FBXO39: variants seen among roughly 807,000 people sequenced by gnomAD.
FBXO39 encodes the protein F-box protein 39, also known as F-box only protein 39.
Under a neutral mutation model 36.6 loss-of-function variants are expected in FBXO39, and 22 were observed. That is an observed-to-expected ratio of 0.60 (90% confidence interval 0.43 to 0.86). FBXO39 has a LOEUF of 0.86. FBXO39 is among the 40% of genes least tolerant of loss of function. The pLI is 0.00. For synonymous variants in FBXO39, 206 were observed against 205.8 expected (o/e 1.00, Z -0.01); for missense variants, 536 against 543.9 (o/e 0.99, Z 0.14).
Position 6,784,955 on chromosome 17 carries a change from A to G in FBXO39, c.1024-1825A>G, listed in dbSNP as rs8069634. 3.2e-3 allele frequency among the ~76,000 whole-genome samples: 363 copies of G among 112,178 alleles called. 2 individuals carry two copies. Among genetic ancestry groups the G allele is most frequent in the Middle Eastern group, 8.1e-3 (2 of 246 alleles). 73.6% of individuals were successfully genotyped at this position (112,178 alleles called of 152,430 possible). A position where few individuals can be genotyped will look rare whatever the true frequency, so the allele number is the denominator to read the frequency against. On this transcript the variant is annotated intron_variant, in intron 2 of 3. Transcript: ENST00000321535. ...TGTGTGTGTGTGTGTGTGTGTGTGT[A>G]TATATATATATGGAACCACAAAAGA...
chr17:6,786,673 C>A, intron 2 of FBXO39, 107 bp from the exon 3 acceptor site: 1 of 893,570 alleles, frequency 1.1e-6, no homozygotes, highest in East Asian at 2.6e-5. Flanking sequence ...ACCCCCAAAT[C>A]ATCATGGCTA....
Position 6,780,200 on chromosome 17 carries a change from C to T in FBXO39, c.332C>T (p.Thr111Ile). ...NAVLTKKFQVTMRGLLSCLSK... is the reference protein window; with the variant it reads ...NAVLTKKFQVIMRGLLSCLSK... ...GTCTTGACCAAGAAGTTCCAGGTCA[C>T]CATGCGGGGCCTCCTGTCTTGTCTG... Residue 111 changes from threonine to isoleucine, a missense_variant, in exon 2 of 4, where the codon ACC becomes ATC. Physicochemically the swap from Thr to Ile is moderately conservative, Grantham distance 89. Transcript: ENST00000321535. 1 of 1,614,188 alleles carries T rather than the reference C, an allele frequency of 6.2e-7. No homozygotes were observed. The highest frequency in any genetic ancestry group is 1.1e-5 in the South Asian group (1 of 91,074).
In FBXO39 at chr17:6,780,297, C is replaced by G; in HGVS notation, c.429C>G (p.Asn143Lys). The G allele has an allele frequency of 6.2e-7, 1 of 1,614,138 alleles. No individual in the cohort carries two copies. Among genetic ancestry groups the G allele is most frequent in the African/African-American group, 1.3e-5 (1 of 75,034 alleles). ...YLELDRLVWR[N>K]SIRSSFISSL... is the part of the protein sequence containing the mutation. ...AGCTGGACCGCCTGGTATGGAGGAA[C>G]AGCATCAGGAGCTCATTCATCAGCA... Residue 143 changes from asparagine to lysine, a missense_variant, in exon 2 of 4, where the codon AAC becomes AAG. Transcript: ENST00000321535.
Position 6,779,924 on chromosome 17 carries a change from T to A in FBXO39, c.56T>A (p.Leu19Gln). 6 of 1,614,222 alleles carry A rather than the reference T, an allele frequency of 3.7e-6. No homozygotes were observed. The highest frequency in any genetic ancestry group is 5.1e-6 in the Non-Finnish European group (6 of 1,180,038). ...CAAGACCAGAGCTGCTGGGCCTTTC[T>A]GCCCGATTTGTGTCTGTGCCGTGTT... ...QPQDQSCWAF[L>Q]PDLCLCRVFW... Residue 19 changes from leucine to glutamine, a missense_variant, in exon 2 of 4, where the codon CTG becomes CAG. Leu to Gln is a moderately radical substitution (Grantham distance 113, BLOSUM62 -2). Coordinates refer to ENST00000321535, the MANE Select transcript of FBXO39 (RefSeq NM_153230.3).
chr17:6,784,700 C>T (rs1330093158), intron 2 of FBXO39, among the ~76,000 whole-genome samples: 3 of 151,566 alleles, frequency 2.0e-5, no homozygotes, highest in Non-Finnish European at 4.4e-5. Flanking sequence ...TAGGAATTAA[C>T]CGAAGGAATG....
At chr17:6,779,045 G>A (rs1597774054) in intron 1 of FBXO39, among the ~76,000 whole-genome samples, 1 of 152,196 alleles carries the variant, frequency 6.6e-6, no homozygotes, top group Non-Finnish European at 1.5e-5. Context: ...ACCTCAGCTG[G>A]GGTTTTCCAC....
At position 6,780,766 on chromosome 17, in the gene FBXO39, C is replaced by T. The variant is rs770201697; in HGVS notation, c.898C>T (p.Arg300Ter). Residue 300 changes from arginine to a stop codon, truncating the protein, a stop_gained, in exon 2 of 4, where the codon CGA becomes TGA. Coordinates refer to ENST00000321535, the MANE Select transcript of FBXO39 (RefSeq NM_153230.3). LOFTEE classifies it high-confidence loss of function. Reference sequence around the variant, plus strand: ...GATCATGAAGTACGAACGCTTGGCCCGAATCCTCTTGCAGGAGATCCCGAT... The same window carrying T: ...GATCATGAAGTACGAACGCTTGGCCTGAATCCTCTTGCAGGAGATCCCGAT... The part of the protein sequence containing the change: ...ERIMKYERLA[R>*]ILLQEIPIRS... 13 of 1,614,098 alleles carry T rather than the reference C, an allele frequency of 8.1e-6. No individual in the cohort carries two copies. The highest frequency in any genetic ancestry group is 4.4e-5 in the South Asian group (4 of 91,076).
chr17:6,782,800 G>C (rs1976525257), intron 2 of FBXO39, among the ~76,000 whole-genome samples: 1 of 152,082 alleles, frequency 6.6e-6, no homozygotes, highest in Non-Finnish European at 1.5e-5. Context: ...TAAAGAGAGA[G>C]ATAGACCCCT....
intron 2 of FBXO39, among the ~76,000 whole-genome samples, chr17:6,785,594 C>G (rs1489416458): frequency 2.0e-5 from 3 of 151,958 alleles, no homozygotes; most frequent in Non-Finnish European, 4.4e-5. Flanking sequence ...CTGTAAGCTA[C>G]CCATATCACA....
chr17:6,777,861 C>T (rs910633225), intron 1 of FBXO39, among the ~76,000 whole-genome samples: 3 of 152,140 alleles, frequency 2.0e-5, no homozygotes, highest in South Asian at 2.1e-4. Flanking sequence ...ATGGGCGGGA[C>T]GGGCTGCTGT....
At chr17:6,786,199 A>G (rs897891903) in intron 2 of FBXO39, among the ~76,000 whole-genome samples, 36 of 152,256 alleles carry the variant, frequency 2.4e-4, no homozygotes, top group Admixed American at 1.2e-3. Flanking sequence ...TTGCAATAAC[A>G]TAGATGCAAC....
At chr17:6,785,172 C>T (rs1261841526) in intron 2 of FBXO39, among the ~76,000 whole-genome samples, 1 of 151,814 alleles carries the variant, frequency 6.6e-6, no homozygotes, top group Non-Finnish European at 1.5e-5. Context: ...AATAGAGAAC[C>T]CAGAAACAAA....
At chr17:6,783,973 T>C (rs1976537084) in intron 2 of FBXO39, among the ~76,000 whole-genome samples, 1 of 152,042 alleles carries the variant, frequency 6.6e-6, no homozygotes, top group Non-Finnish European at 1.5e-5. Context: ...AAGAAAACTA[T>C]AGGTGAATAT....
Position 6,787,302 on chromosome 17 carries a change from G to A in FBXO39, c.1203G>A (p.Ala401=), listed in dbSNP as rs1240507393. The A allele has an allele frequency of 1.5e-5, 25 of 1,613,640 alleles. No individual in the cohort carries two copies. The highest frequency in any genetic ancestry group is 1.7e-4 in the Middle Eastern group (1 of 6,054). Residue 401 remains alanine (A), a splice_region_variant and synonymous_variant, in exon 4 of 4, where the codon GCG becomes GCA. Coordinates refer to ENST00000321535, the MANE Select transcript of FBXO39 (RefSeq NM_153230.3). ...ERQCALRVFK[A]RIYTNRYETN... is the part of the protein sequence containing the mutation. ...GATGTATTTCTCTGTTGGCACAGGCGAGAATTTATACAAACAGATATGAGA... is the reference window on the plus strand; with the variant it reads ...GATGTATTTCTCTGTTGGCACAGGCAAGAATTTATACAAACAGATATGAGA...
chr17:6,785,622 CAG>C (rs1048793212), intron 2 of FBXO39, among the ~76,000 whole-genome samples: 2 of 151,652 alleles, frequency 1.3e-5, no homozygotes, highest in African/African-American at 2.4e-5. Flanking sequence ...AATAAATAAA[CAG>C]AATATACAGA....
chr17:6,780,475 T>C lies in FBXO39; in HGVS notation c.607T>C (p.Tyr203His), dbSNP rs1288183802. Reference protein sequence around the residue: ...NVISELNIEDYFSHHLAVYNS... With the variant: ...NVISELNIEDHFSHHLAVYNS... The stretch of plus-strand genomic sequence containing the variant: ...GATCTCAGAGCTCAACATCGAGGAC[T>C]ATTTCAGCCATCACCTTGCTGTCTA... The change falls in exon 2 of 4, where the codon TAT (tyrosine) becomes CAT (histidine). Residue 203 changes from tyrosine to histidine, a missense_variant. Coordinates refer to ENST00000321535, the MANE Select transcript of FBXO39 (RefSeq NM_153230.3). 3 of 1,614,164 alleles carry C rather than the reference T, an allele frequency of 1.9e-6. No homozygotes were observed. In the South Asian group the frequency reaches 3.3e-5, roughly 18 times the overall value.
chr17:6,786,560 C>G (rs1485678133), intron 2 of FBXO39, among the ~76,000 whole-genome samples: 2 of 152,024 alleles, frequency 1.3e-5, no homozygotes, highest in Non-Finnish European at 2.9e-5. Context: ...CTCTATTTAC[C>G]CCATTGTGAT....
At chr17:6,785,758 A>G (rs187497693) in intron 2 of FBXO39, among the ~76,000 whole-genome samples, 3 of 151,606 alleles carry the variant, frequency 2.0e-5, no homozygotes, top group Admixed American at 2.0e-4. Flanking sequence ...AAGGTGCTCA[A>G]CATCACTGAT....
chr17:6,780,438 G>A lies in FBXO39; in HGVS notation c.570G>A (p.Arg190=), dbSNP rs746853173. The change falls in exon 2 of 4, where the codon AGG becomes AGA. Residue 190 remains arginine (R), a synonymous_variant. Transcript: ENST00000321535. The stretch of plus-strand genomic sequence containing the variant: ...TTCTCGACTCCCTCAGCTACATGAG[G>A]AATGAGAATGTGATCTCAGAGCTCA... ...CQILDSLSYM[R]NENVISELNI... 6.2e-7 allele frequency: 1 copy of A among 1,614,120 alleles called. No individual in the cohort carries two copies. Among genetic ancestry groups the A allele is most frequent in the East Asian group, 2.2e-5 (1 of 44,870 alleles).
Sources: gnomAD v4.1 joint callset for allele counts (sites outside exome capture counted in the v4.1 genomes callset) on GRCh38, gnomAD v4.1.1 for gene constraint, MANE v1.5 for transcripts, NCBI Gene and HGNC (gene_info 2026-07-23, HGNC 2026-07-21) for gene names.